CEACAM3: variants seen among roughly 807,000 people sequenced by gnomAD.
CEACAM3 encodes cell adhesion molecule CEACAM3.
A neutral mutation model predicts 30.1 loss-of-function variants in CEACAM3; 32 were observed. The observed-to-expected ratio is 1.06, with a 90% CI of 0.80 to 1.43. The LOEUF (loss-of-function observed/expected upper bound fraction) is 1.43. CEACAM3 is among the 40% of genes most tolerant of loss of function. The pLI is 0.00. For missense variants in CEACAM3, 290 were observed against 316.3 expected, an observed-to-expected ratio of 0.92 and a Z score of 0.63; for synonymous variants, 134 against 127.2, an observed-to-expected ratio of 1.05 and a Z score of -0.36.
At chr19:41,805,870 TCA>T (rs2073194149) in intron 2 of CEACAM3, among the ~76,000 whole-genome samples, 1 of 152,226 alleles carries the variant, frequency 6.6e-6, no homozygotes, top group African/African-American at 2.4e-5. Flanking sequence ...CACGGAGTCC[TCA>T]CCTGCCCTCT....
chr19:41,809,959 T>C lies in CEACAM3; in HGVS notation c.543-6T>C. On this transcript the variant is annotated splice_region_variant and splice_polypyrimidine_tract_variant and intron_variant, in intron 3 of 6. Coordinates refer to ENST00000357396, the MANE Select transcript of CEACAM3 (RefSeq NM_001815.5). The stretch of plus-strand genomic sequence containing the variant: ...CACCCTCCCAAATGACCCTGACCTT[T>C]CCTAGAACCAGCATCCAGCGTGACC... The C allele has an allele frequency of 1.2e-6, 2 of 1,613,826 alleles. No homozygotes were observed. Among genetic ancestry groups the C allele is most frequent in the Non-Finnish European group, 1.7e-6 (2 of 1,179,846 alleles).
rs200718992 is a variant in CEACAM3, at chr19:41,811,206, G to A, written c.728G>A (p.Arg243Gln). ...AAACATGACACAAACATTTACTGCC[G>A]GATGGACCACAAAGCAGAAGTGGCT... ...LLKHDTNIYC[R>Q]MDHKAEVAS Residue 243 changes from arginine (R) to glutamine (Q), a missense_variant, in exon 7 of 7, where the codon CGG becomes CAG. Arg to Gln is a conservative substitution (Grantham distance 43). Coordinates refer to ENST00000357396, the MANE Select transcript of CEACAM3 (RefSeq NM_001815.5). The A allele has an allele frequency of 1.1e-4, 176 of 1,613,894 alleles. No individual in the cohort carries two copies. Among genetic ancestry groups the A allele is most frequent in the South Asian group, 3.7e-4 (34 of 91,086 alleles).
In CEACAM3 at chr19:41,797,914, G is replaced by A. The variant is rs1339960527; in HGVS notation, c.390G>A (p.Val130=). ...TACAAGTCATAAAGTCAGATCTTGT[G>A]AATGAAGAAGCAACTGGACAGTTCC... ...YTLQVIKSDL[V]NEEATGQFHV... is the part of the protein sequence containing the mutation. The change falls in exon 2 of 7, where the codon GTG becomes GTA. Residue 130 remains valine, a synonymous_variant. Coordinates refer to ENST00000357396, the MANE Select transcript of CEACAM3 (RefSeq NM_001815.5). The A allele has an allele frequency of 3.1e-6, 5 of 1,611,372 alleles. No homozygotes were observed. The highest frequency in any genetic ancestry group is 4.2e-6 in the Non-Finnish European group (5 of 1,178,668).
At position 41,797,842 on chromosome 19, in the gene CEACAM3, C is replaced by G. The variant is rs1568737789; in HGVS notation, c.318C>G (p.Ser106=). 6.2e-7 allele frequency: 1 copy of G among 1,613,432 alleles called. No individual in the cohort carries two copies. Among genetic ancestry groups the G allele is most frequent in the Non-Finnish European group, 8.5e-7 (1 of 1,179,988 alleles). Residue 106 remains serine (S), a synonymous_variant, in exon 2 of 7, where the codon TCC becomes TCG. Transcript: ENST00000357396. ...SGRETIYTNA[S]LLIQNVTQND... ...GAGAGACAATATACACCAATGCATC[C>G]CTGCTGATCCAGAATGTCACCCAGA...
At chr19:41,809,147 C>T (rs573523950) in intron 3 of CEACAM3, 1 of 469,126 alleles carries the variant, frequency 2.1e-6, no homozygotes, top group East Asian at 3.5e-5. Flanking sequence ...CAATTAAGGC[C>T]CCACCCCTGA....
intron 2 of CEACAM3, among the ~76,000 whole-genome samples, chr19:41,803,385 G>C (rs34819714): frequency 0.5 from 74,994 of 151,186 alleles, 21,254 homozygotes; most frequent in Middle Eastern, 0.73. Context: ...GGGTGTGTCA[G>C]TAGAAACTTC....
chr19:41,802,597 G>A (rs564005651), intron 2 of CEACAM3, among the ~76,000 whole-genome samples: 1 of 152,258 alleles, frequency 6.6e-6, no homozygotes, highest in East Asian at 1.9e-4. Flanking sequence ...ATCAATCTTG[G>A]GGCTGGGACA....
intron 1 of CEACAM3, chr19:41,797,103 T>A: frequency 3.9e-6 from 1 of 253,796 alleles, no homozygotes; most frequent in Non-Finnish European, 7.6e-6. Context: ...CCTTAACTCA[T>A]CCACCAGTAT....
At position 41,797,709 on chromosome 19, in the gene CEACAM3, T is replaced by G; in HGVS notation, c.185T>G (p.Leu62Arg). 1 of 1,614,052 alleles carries G rather than the reference T, an allele frequency of 6.2e-7. No homozygotes were observed. The highest frequency in any genetic ancestry group is 8.5e-7 in the Non-Finnish European group (1 of 1,179,978). ...LLLVHNLPQH[L>R]FGYSWYKGER... is the part of the protein sequence containing the mutation. ...CTTGTCCACAATCTGCCCCAGCATC[T>G]TTTTGGCTACAGCTGGTACAAAGGG... The change falls in exon 2 of 7, where the codon CTT (leucine) becomes CGT (arginine). Residue 62 changes from leucine (L) to arginine (R), a missense_variant. Physicochemically the swap from Leu to Arg is moderately radical, Grantham distance 102. Coordinates refer to ENST00000357396, the MANE Select transcript of CEACAM3 (RefSeq NM_001815.5).
intron 3 of CEACAM3, 147 bp downstream of exon 3, chr19:41,809,077 C>G: frequency 1.6e-6 from 1 of 616,336 alleles, no homozygotes. Flanking sequence ...CGGCTCCTCC[C>G]TCGTCAGCTC....
chr19:41,796,716 C>A lies in CEACAM3; in HGVS notation c.39C>A (p.Ile13=). The part of the protein sequence containing the change: ...PPSASPHREC[I]PWQGLLLTAS... ...CAGCCTCTCCCCACAGAGAATGCAT[C>A]CCCTGGCAGGGGCTTCTGCTCACAG... The change falls in exon 1 of 7, where the codon ATC becomes ATA. Residue 13 remains isoleucine (I), a synonymous_variant. Transcript: ENST00000357396. The A allele has an allele frequency of 6.2e-7, 1 of 1,613,778 alleles. No individual in the cohort carries two copies. The highest frequency in any genetic ancestry group is 8.5e-7 in the Non-Finnish European group (1 of 1,179,806).
chr19:41,804,081 CA>C (rs560733370), intron 2 of CEACAM3, among the ~76,000 whole-genome samples: 2,268 of 119,966 alleles, frequency 0.019, 52 homozygotes, highest in African/African-American at 0.055. Context: ...AACTCTGCCT[CA>C]AAAAAAAAAA....
chr19:41,800,223 G>C (rs1289675079), intron 2 of CEACAM3, among the ~76,000 whole-genome samples: 2 of 152,190 alleles, frequency 1.3e-5, no homozygotes, highest in African/African-American at 4.8e-5. Flanking sequence ...GAGCTGGGGA[G>C]ACATAGTGAG....
chr19:41,797,402 C>A, intron 1 of CEACAM3, 187 bp from the exon 2 acceptor site: 2 of 712,128 alleles, frequency 2.8e-6, no homozygotes, highest in Non-Finnish European at 4.6e-6. Context: ...GAAGGGGATT[C>A]CACACAGGAA....
chr19:41,803,568 G>A (rs1421471116), intron 2 of CEACAM3, among the ~76,000 whole-genome samples: 4 of 151,584 alleles, frequency 2.6e-5, no homozygotes. Flanking sequence ...CTGGGTTCAC[G>A]CCATTCTCCT....
rs368287171 is a variant in CEACAM3 at position 41,811,337 on chromosome 19, A to G, written c.*100A>G. 20 of 1,033,776 alleles carry G rather than the reference A, an allele frequency of 1.9e-5. No homozygotes were observed. The highest frequency in any genetic ancestry group is 7.2e-5 in the East Asian group (3 of 41,692). 64.0% of individuals were successfully genotyped at this position (1,033,776 alleles called of 1,614,324 possible). A position where few individuals can be genotyped will look rare whatever the true frequency, so the allele number is the denominator to read the frequency against. ...TGAAGCCTGAGCCAGAGAACCAGCT[A>G]TAAGTCCTGAGAAGACACTGGTGTC... On this transcript the variant is annotated 3_prime_UTR_variant, in exon 7 of 7. Transcript: ENST00000357396.
chr19:41,798,064 T>C, intron 2 of CEACAM3, 116 bp downstream of exon 2: 1 of 1,498,256 alleles, frequency 6.7e-7, no homozygotes, highest in Non-Finnish European at 8.9e-7. Context: ...TGTATCAGGG[T>C]TTGGACATTT....
At chr19:41,802,343 CA>C (rs1380063196) in intron 2 of CEACAM3, among the ~76,000 whole-genome samples, 2 of 152,156 alleles carry the variant, frequency 1.3e-5, no homozygotes, top group African/African-American at 4.8e-5. Context: ...TAAAACTGAA[CA>C]AACTGAAAAA....
chr19:41,810,148 C>A, intron 4 of CEACAM3, 131 bp downstream of exon 4: 1 of 1,288,716 alleles, frequency 7.8e-7, no homozygotes, highest in South Asian at 1.3e-5. Context: ...CATAAAACAT[C>A]ACACAGGGGA....
Sources: allele counts gnomAD v4.1 joint callset (sites outside exome capture counted in the v4.1 genomes callset), GRCh38; gene constraint gnomAD v4.1.1; transcripts MANE v1.5; gene names NCBI Gene and HGNC (gene_info 2026-07-23, HGNC 2026-07-21).